Variants in PCDHA2 observed in about 807,000 individuals in gnomAD.
PCDHA2 encodes protocadherin alpha-2.
Under a neutral mutation model 66.0 loss-of-function variants are expected in PCDHA2, and 58 were observed. That is an observed-to-expected ratio of 0.88 (90% CI 0.71 to 1.09). The LOEUF is 1.09. Ranked by LOEUF, PCDHA2 falls within the 50% of genes least tolerant of loss-of-function variation. The pLI is 0.00. For synonymous variants in PCDHA2, 634 were observed against 554.0 expected (o/e 1.14, Z -2.03); for missense variants, 1,267 against 1,242.3 (o/e 1.02, Z -0.30).
intron 1 of PCDHA2, among the ~76,000 whole-genome samples, chr5:140,896,645 A>G (rs988054711): frequency 1.3e-5 from 2 of 151,728 alleles, no homozygotes; most frequent in African/African-American, 4.8e-5. Context: ...CCAAAGTGCT[A>G]GTATTACAGG....
rs531946864 is a variant in PCDHA2, at chr5:140,866,396, C to T, written c.2388+69044C>T. 5.3e-5 allele frequency: 8 copies of T among 152,156 alleles called. No individual in the cohort carries two copies. In the East Asian group the frequency reaches 9.6e-4, roughly 18 times the overall value. 9.4% of individuals were successfully genotyped at this position (152,156 alleles called of 1,614,324 possible). A position where few individuals can be genotyped will look rare whatever the true frequency, so the allele number is the denominator to read the frequency against. The stretch of plus-strand genomic sequence containing the variant: ...AATAACAATTTTAAAGACATAGATT[C>T]CCATGAAAATCTTCAAATGTGTGTA... On this transcript the variant is annotated intron_variant, in intron 1 of 3. Transcript: ENST00000526136.
chr5:140,948,558 G>A (rs2094272533), intron 1 of PCDHA2, among the ~76,000 whole-genome samples: 2 of 151,514 alleles, frequency 1.3e-5, no homozygotes, highest in Admixed American at 1.3e-4. Flanking sequence ...ATTTTGTTAA[G>A]TTGTATTTTT....
At chr5:140,951,723 A>G (rs1364455679) in intron 1 of PCDHA2, among the ~76,000 whole-genome samples, 3 of 152,104 alleles carry the variant, frequency 2.0e-5, no homozygotes, top group Non-Finnish European at 4.4e-5. Flanking sequence ...GATCCAAACC[A>G]TGTCATTCTG....
Position 140,795,110 on chromosome 5 carries a change from C to T in PCDHA2, c.146C>T (p.Ala49Val). Residue 49 changes from alanine to valine, a missense_variant, in exon 1 of 4, where the codon GCG becomes GTG. By Grantham distance (64) the Ala-to-Val change is moderately conservative. Coordinates refer to ENST00000526136, the MANE Select transcript of PCDHA2 (RefSeq NM_018905.3). Reference sequence around the variant, plus strand: ...CACGGCACCTTCGTGGGCCGCATCGCGCAGGACCTGGGGCTGGAGCTGGAG... The same window carrying T: ...CACGGCACCTTCGTGGGCCGCATCGTGCAGGACCTGGGGCTGGAGCTGGAG... ...AKHGTFVGRI[A>V]QDLGLELEEL... 2 of 1,614,040 alleles carry T rather than the reference C, an allele frequency of 1.2e-6. No homozygotes were observed. The highest frequency in any genetic ancestry group is 1.7e-6 in the Non-Finnish European group (2 of 1,180,042).
intron 1 of PCDHA2, chr5:140,803,544 C>T: frequency 6.2e-7 from 1 of 1,614,160 alleles, no homozygotes; most frequent in Non-Finnish European, 8.5e-7. Flanking sequence ...TCCAATTAGC[C>T]GGGATAGAGA....
intron 1 of PCDHA2, chr5:140,966,700 G>T: frequency 7.3e-7 from 1 of 1,365,440 alleles, no homozygotes; most frequent in Non-Finnish European, 9.4e-7. Context: ...GGGCCCGGGC[G>T]TGGGGCACGG....
chr5:140,876,094 C>T lies in PCDHA2; in HGVS notation c.2388+78742C>T, dbSNP rs782479233. 13 of 1,613,808 alleles carry T rather than the reference C, an allele frequency of 8.1e-6. No homozygotes were observed. In the Admixed American group the frequency reaches 1.5e-4, roughly 19 times the overall value. On this transcript the variant is annotated intron_variant, in intron 1 of 3. Transcript: ENST00000526136. ...ATTGGACAGAGAGCAAACGCCAAAA[C>T]TCAATTTATTGCTGATGGTAATCGA...
intron 1 of PCDHA2, among the ~76,000 whole-genome samples, chr5:140,960,351 T>C (rs1268803425): frequency 3.3e-5 from 5 of 152,192 alleles, no homozygotes; most frequent in African/African-American, 7.2e-5. Flanking sequence ...AGATATGTAC[T>C]GAAATAATAT....
intron 1 of PCDHA2, chr5:140,828,513 T>C (rs1769799760): frequency 1.2e-6 from 2 of 1,614,200 alleles, no homozygotes; most frequent in Non-Finnish European, 1.7e-6. Flanking sequence ...CAAAGAGTGC[T>C]GATTTACGAA....
chr5:140,856,690 T>A (rs1368181199), intron 1 of PCDHA2: 2 of 1,597,086 alleles, frequency 1.3e-6, no homozygotes, highest in East Asian at 2.2e-5. Context: ...TGACAGCAAC[T>A]GATGGAGGCA....
chr5:140,857,392 C>T lies in PCDHA2; in HGVS notation c.2388+60040C>T, dbSNP rs142727326. ...TGTCTGTGGAGGTGGCCGACGTGAA[C>T]GACAACGCGCCTGCGTTCGCGCAGT... On this transcript the variant is annotated intron_variant, in intron 1 of 3. Coordinates refer to ENST00000526136, the MANE Select transcript of PCDHA2 (RefSeq NM_018905.3). 2.9e-5 allele frequency: 46 copies of T among 1,598,470 alleles called. 4 individuals are homozygous for T. Among genetic ancestry groups the T allele is most frequent in the Non-Finnish European group, 3.6e-5 (42 of 1,167,894 alleles).
Position 140,868,506 on chromosome 5 carries a change from A to T in PCDHA2, c.2388+71154A>T, listed in dbSNP as rs1250178704. 3 of 152,422 alleles carry T rather than the reference A, an allele frequency of 2.0e-5. No individual in the cohort carries two copies. The East Asian group carries it at 5.8e-4, about 29-fold the overall frequency. 9.4% of individuals were successfully genotyped at this position (152,422 alleles called of 1,614,324 possible). On this transcript the variant is annotated intron_variant, in intron 1 of 3. Transcript: ENST00000526136. ...TTTTCTTTGAGTTCCCTAGCAGCCA[A>T]AGTAACAAGGGAGACTGAAAGTAAA... is the stretch of plus-strand genomic sequence containing the variant.
chr5:140,861,872 G>T (rs1554155357), intron 1 of PCDHA2: 1 of 155,960 alleles, frequency 6.4e-6, no homozygotes, highest in Non-Finnish European at 1.4e-5. Context: ...TGATGGGGGC[G>T]AAGCTGAGCT....
chr5:140,922,953 G>A (rs2081086867), intron 1 of PCDHA2, among the ~76,000 whole-genome samples: 1 of 152,168 alleles, frequency 6.6e-6, no homozygotes, highest in Non-Finnish European at 1.5e-5. Context: ...AATCCAGTTT[G>A]TCTTCAGCCA....
intron 1 of PCDHA2, chr5:140,809,039 G>A (rs782455641): frequency 1.2e-6 from 2 of 1,613,862 alleles, no homozygotes; most frequent in Non-Finnish European, 1.7e-6. Flanking sequence ...GACTGGTGGC[G>A]CGCGCATCCC....
intron 1 of PCDHA2, chr5:140,812,811 T>C (rs2126641915): frequency 1.4e-4 from 21 of 152,328 alleles, no homozygotes; most frequent in Admixed American, 1.2e-3. Flanking sequence ...AAGTTTTTAT[T>C]GTGTTGTGTT....
chr5:140,954,532 GT>G (rs1274213608), intron 1 of PCDHA2, among the ~76,000 whole-genome samples: 7 of 152,088 alleles, frequency 4.6e-5, no homozygotes, highest in Non-Finnish European at 5.9e-5. Context: ...TGATGTTGAG[GT>G]TTTTTTCATA....
chr5:140,877,372 A>T, intron 1 of PCDHA2: 6 of 1,613,992 alleles, frequency 3.7e-6, no homozygotes, highest in Non-Finnish European at 5.1e-6. Flanking sequence ...GATCAGCACG[A>T]CACGCATCCT....
Position 140,848,316 on chromosome 5 carries a change from G to T in PCDHA2, c.2388+50964G>T, listed in dbSNP as rs2150408504. 15 of 742,766 alleles carry T rather than the reference G, an allele frequency of 2.0e-5. 1 individual carries two copies. The highest frequency in any genetic ancestry group is 7.0e-5 in the African/African-American group (4 of 57,284). 46.0% of individuals were successfully genotyped at this position (742,766 alleles called of 1,614,324 possible). A position where few individuals can be genotyped will look rare whatever the true frequency, so the allele number is the denominator to read the frequency against. ...GCCACGTGATGTCACTCTTTGCCGC[G>T]ATGTTCTCTCTGAATCCAGACAAAT... On this transcript the variant is annotated intron_variant, in intron 1 of 3. Transcript: ENST00000526136.
Sources: gnomAD v4.1 joint callset for allele counts (sites outside exome capture counted in the v4.1 genomes callset) on GRCh38, gnomAD v4.1.1 for gene constraint, MANE v1.5 for transcripts, NCBI Gene and HGNC (gene_info 2026-07-23, HGNC 2026-07-21) for gene names.